PEX14: variants seen among roughly 807,000 people sequenced by gnomAD.
The protein encoded by PEX14 is peroxisomal biogenesis factor 14.
In PEX14, 15 loss-of-function variants were observed where a neutral mutation model predicts 49.5. That is an observed-to-expected ratio of 0.30 (90% confidence interval 0.20 to 0.47). The LOEUF is 0.47. Among genes scored for constraint, PEX14 ranks in the 20% least tolerant of loss-of-function variants. The pLI is 1.00. For missense variants in PEX14, 398 were observed against 494.8 expected (o/e 0.80, Z 1.86); for synonymous variants, 210 against 212.7 (o/e 0.99, Z 0.11).
intron 7 of PEX14, among the ~76,000 whole-genome samples, 179 bp downstream of exon 7, chr1:10,624,616 G>C (rs1641692768): frequency 6.6e-6 from 1 of 152,184 alleles, no homozygotes; most frequent in South Asian, 2.1e-4. Flanking sequence ...GGAGGCTGTT[G>C]CTGGGCAGTC....
In PEX14 at chr1:10,507,355, C is replaced by T. The variant is rs117601104; in HGVS notation, c.84+12034C>T. On this transcript the variant is annotated intron_variant, in intron 2 of 8. Transcript: ENST00000356607. ...CACAAACGTATCTTCAGCCGATGCT[C>T]AGTGCTGCCTGGTGATTCTGTACCT... 1.5e-3 allele frequency among the ~76,000 whole-genome samples: 229 copies of T among 152,370 alleles called. 6 individuals are homozygous for T. The East Asian group carries it at 0.035, about 23-fold the overall frequency.
At chr1:10,484,694 A>G (rs1047553428) in intron 1 of PEX14, among the ~76,000 whole-genome samples, 9 of 151,568 alleles carry the variant, frequency 5.9e-5, no homozygotes, top group African/African-American at 1.7e-4. Context: ...CCAGGCTACT[A>G]TTGAGAAATC....
rs1180250335 is a variant in PEX14 at position 10,630,288 on chromosome 1, C to G, written c.*301C>G. 1.9e-6 allele frequency: 1 copy of G among 528,102 alleles called. No homozygotes were observed. The highest frequency in any genetic ancestry group is 3.2e-5 in the Admixed American group (1 of 31,386). 32.7% of individuals were successfully genotyped at this position (528,102 alleles called of 1,614,324 possible). A position where few individuals can be genotyped will look rare whatever the true frequency, so the allele number is the denominator to read the frequency against. On this transcript the variant is annotated 3_prime_UTR_variant, in exon 9 of 9. Transcript: ENST00000356607. The surrounding 1 kb of genome is among the most constrained non-coding windows in gnomAD (Gnocchi z 4.1). ...TCGGGGCCCAAGCCCCTCCCCAGCC[C>G]CCTCTCCCGGACAGACGCCTTGCCC...
chr1:10,555,007 T>G (rs1395495856), intron 3 of PEX14, among the ~76,000 whole-genome samples: 1 of 152,162 alleles, frequency 6.6e-6, no homozygotes, highest in Non-Finnish European at 1.5e-5. Context: ...AGTCTGCTTT[T>G]GTCCAGCCTT....
At chr1:10,610,606 C>G (rs1319777564) in intron 4 of PEX14, among the ~76,000 whole-genome samples, 1 of 152,064 alleles carries the variant, frequency 6.6e-6, no homozygotes, top group African/African-American at 2.4e-5. Flanking sequence ...CTGCCTCAGC[C>G]TCCCGAGTAG....
At chr1:10,557,902 G>C (rs891655699) in intron 3 of PEX14, among the ~76,000 whole-genome samples, 4 of 151,926 alleles carry the variant, frequency 2.6e-5, no homozygotes, top group Admixed American at 2.6e-4. Flanking sequence ...TTGCGTAACA[G>C]GGAATATAAC....
At chr1:10,610,368 TATATACAC>T (rs60787527) in intron 4 of PEX14, among the ~76,000 whole-genome samples, 16,904 of 70,008 alleles carry the variant, frequency 0.24, 1,054 homozygotes, top group Middle Eastern at 0.36. Context: ...TATATATATA[TATATACAC>T]ACACACACAC....
intron 3 of PEX14, among the ~76,000 whole-genome samples, chr1:10,571,027 T>G (rs1461224470): frequency 4.8e-5 from 7 of 146,552 alleles, no homozygotes; most frequent in South Asian, 2.2e-4. Flanking sequence ...TTTTTTTTTT[T>G]TTTTTTTTTT....
In PEX14 at chr1:10,623,966, C is replaced by G. The variant is rs1353209218; in HGVS notation, c.488-374C>G. On this transcript the variant is annotated intron_variant, in intron 6 of 8. Transcript: ENST00000356607. The surrounding 1 kb of genome is among the most constrained non-coding windows in gnomAD (Gnocchi z 4.4). Reference sequence around the variant, plus strand: ...TGGCGGGGACCTGAGATGCATCTCTCCCAGCATTGGAGACCCCAGGAGTTT... The same window carrying G: ...TGGCGGGGACCTGAGATGCATCTCTGCCAGCATTGGAGACCCCAGGAGTTT... 6.6e-6 allele frequency among the ~76,000 whole-genome samples: 1 copy of G among 152,126 alleles called. No individual in the cohort carries two copies. The highest frequency in any genetic ancestry group is 2.4e-5 in the African/African-American group (1 of 41,422).
rs183531521 is a variant in PEX14, at chr1:10,600,081, G to C, written c.298+715G>C. On this transcript the variant is annotated intron_variant, in intron 4 of 8. Coordinates refer to ENST00000356607, the MANE Select transcript of PEX14 (RefSeq NM_004565.3). ...TAAAAAGTTTAAAAAGGCTAAAATT[G>C]ACTACAAAGTTATGGAAAATAGCTC... 2.0e-5 allele frequency among the ~76,000 whole-genome samples: 3 copies of C among 152,308 alleles called. No individual in the cohort carries two copies. The East Asian group carries it at 5.8e-4, about 29-fold the overall frequency.
intron 3 of PEX14, among the ~76,000 whole-genome samples, chr1:10,540,785 C>A (rs1638979861): frequency 6.6e-6 from 1 of 152,184 alleles, no homozygotes; most frequent in Admixed American, 6.5e-5. Flanking sequence ...GCTCCCACCC[C>A]TTGCTTGCGT....
chr1:10,504,062 TATTTTAGCTC>T (rs1641735557), intron 2 of PEX14, among the ~76,000 whole-genome samples: 1 of 152,170 alleles, frequency 6.6e-6, no homozygotes, highest in African/African-American at 2.4e-5. Context: ...TAATTTAAAA[TATTTTAGCTC>T]ATTGTCAAAC....
In PEX14 at chr1:10,494,898, C is replaced by T. The variant is rs899979694; in HGVS notation, c.37-376C>T. On this transcript the variant is annotated intron_variant, in intron 1 of 8. Transcript: ENST00000356607. This position sits in a 1 kb window ranked among gnomAD's most constrained non-coding sequence, Gnocchi z 4.3. ...CAGTCCCCTGACGTTGGGGAGGTGG[C>T]AGAAAGAGGAGGTGTTGTGCTCTCT... Among the ~76,000 whole-genome samples the T allele has an allele frequency of 6.6e-6, 1 of 152,180 alleles. No individual in the cohort carries two copies. Among genetic ancestry groups the T allele is most frequent in the Non-Finnish European group, 1.5e-5 (1 of 68,028 alleles).
At chr1:10,558,309 G>T (rs7555010) in intron 3 of PEX14, among the ~76,000 whole-genome samples, 147,688 of 152,216 alleles carry the variant, frequency 0.97, 71,801 homozygotes, top group East Asian at 1. Flanking sequence ...TGCCCGGCCT[G>T]CTTGTATATT....
intron 2 of PEX14, among the ~76,000 whole-genome samples, chr1:10,522,071 G>A (rs1008057706): frequency 3.9e-5 from 6 of 152,096 alleles, no homozygotes; most frequent in African/African-American, 1.4e-4. Context: ...TTGCATTACC[G>A]TGGCCTTTAT....
At chr1:10,491,880 G>C (rs149060217) in intron 1 of PEX14, among the ~76,000 whole-genome samples, 1 of 151,616 alleles carries the variant, frequency 6.6e-6, no homozygotes, top group Non-Finnish European at 1.5e-5. Flanking sequence ...ACGGGGTTTC[G>C]CCATGTTGGC....
intron 2 of PEX14, among the ~76,000 whole-genome samples, chr1:10,508,363 T>G (rs879878849): frequency 1.3e-5 from 2 of 151,892 alleles, no homozygotes; most frequent in African/African-American, 2.4e-5. Context: ...CCCGCCACCA[T>G]GCCCTGCTAA....
At chr1:10,536,123 G>A in intron 2 of PEX14, 90 bp from the exon 3 acceptor site, 2 of 836,380 alleles carry the variant, frequency 2.4e-6, no homozygotes, top group Non-Finnish European at 2.1e-6. Context: ...GCTTGTCTCT[G>A]TGGAGCTGGG....
At chr1:10,577,575 T>G (rs1169194645) in intron 3 of PEX14, among the ~76,000 whole-genome samples, 4 of 8,834 alleles carry the variant, frequency 4.5e-4, no homozygotes, top group African/African-American at 1.7e-3. Context: ...TTTTTTTTTT[T>G]TTTTTTTTTT....
Sources: allele counts gnomAD v4.1 joint callset (sites outside exome capture counted in the v4.1 genomes callset), GRCh38; gene constraint gnomAD v4.1.1; non-coding constraint Gnocchi (gnomAD v3.1); transcripts MANE v1.5; gene names NCBI Gene and HGNC (gene_info 2026-07-23, HGNC 2026-07-21).